The following NRP1 variants were observed in gnomAD, a reference collection of about 807,000 sequenced individuals.
NRP1 encodes neuropilin 1.
In NRP1, 35 loss-of-function variants were observed where a neutral mutation model predicts 106.7. The observed-to-expected ratio is 0.33, with a 90% CI of 0.25 to 0.43. The LOEUF (loss-of-function observed/expected upper bound fraction) is 0.43. Ranked by LOEUF, NRP1 falls within the 20% of genes least tolerant of loss-of-function variation. NRP1 has a pLI of 1.00. For missense variants in NRP1, 1,024 were observed against 1,170.4 expected (o/e 0.87, Z 1.83); for synonymous variants, 437 against 417.9 (o/e 1.05, Z -0.56).
chr10:33,202,217 C>T lies in NRP1; in HGVS notation c.1864+674G>A, dbSNP rs576375826. The T allele has an allele frequency of 1.9e-5, 3 of 156,312 alleles. No individual in the cohort carries two copies. The East Asian group carries it at 5.6e-4, about 29-fold the overall frequency. The allele number at this position is 156,312 out of a possible 1,614,324, so 9.7% of individuals were successfully genotyped here. A position where few individuals can be genotyped will look rare whatever the true frequency, so the allele number is the denominator to read the frequency against. Reference sequence around the variant, plus strand: ...TGGTATAATCCCATTTCTCCACTTGCCTAATATTTCCTCTGCCATTCCAAG... The same window carrying T: ...TGGTATAATCCCATTTCTCCACTTGTCTAATATTTCCTCTGCCATTCCAAG... On this transcript the variant is annotated intron_variant, in intron 11 of 16. Transcript: ENST00000374867.
chr10:33,220,351 A>G (rs1316334986), intron 8 of NRP1, among the ~76,000 whole-genome samples: 3 of 152,210 alleles, frequency 2.0e-5, no homozygotes, highest in African/African-American at 7.2e-5. Context: ...AAATACCCCA[A>G]ATACATATAT....
At position 33,213,379 on chromosome 10, in the gene NRP1, C is replaced by A; in HGVS notation, c.1614+7G>T. 1 of 1,614,070 alleles carries A rather than the reference C, an allele frequency of 6.2e-7. No individual in the cohort carries two copies. Among genetic ancestry groups the A allele is most frequent in the Non-Finnish European group, 8.5e-7 (1 of 1,180,030 alleles). On this transcript the variant is annotated splice_region_variant and intron_variant, in intron 9 of 16. Transcript: ENST00000374867. ...GGGATGACCTCCTCCCAGTCCCCAG[C>A]CCTCACCTTCGCCTTGCGTTTGCTG...
At chr10:33,251,813 C>G (rs1337071772) in intron 6 of NRP1, among the ~76,000 whole-genome samples, 1 of 152,048 alleles carries the variant, frequency 6.6e-6, no homozygotes, top group Non-Finnish European at 1.5e-5. Context: ...TGAGAGCTCC[C>G]CACATTACCA....
chr10:33,274,131 A>G (rs1434440106), intron 2 of NRP1, among the ~76,000 whole-genome samples: 1 of 152,198 alleles, frequency 6.6e-6, no homozygotes, highest in Non-Finnish European at 1.5e-5. Context: ...ACTCAAAGAT[A>G]AATCTCTGCC....
intron 2 of NRP1, among the ~76,000 whole-genome samples, chr10:33,291,189 G>C (rs1844970390): frequency 6.6e-6 from 1 of 152,146 alleles, no homozygotes; most frequent in Non-Finnish European, 1.5e-5. Context: ...AGTTCAAATT[G>C]TCAGCTATTA....
At chr10:33,191,715 A>G (rs753766465) in intron 13 of NRP1, among the ~76,000 whole-genome samples, 2 of 152,180 alleles carry the variant, frequency 1.3e-5, no homozygotes, top group Admixed American at 6.5e-5. Flanking sequence ...GCGGTGCCTC[A>G]CACCTATAAT....
At chr10:33,297,541 C>T (rs1399169128) in intron 2 of NRP1, among the ~76,000 whole-genome samples, 1 of 152,074 alleles carries the variant, frequency 6.6e-6, no homozygotes, top group Non-Finnish European at 1.5e-5. Context: ...CAAAAATTAG[C>T]TGGGTTTGGT....
At chr10:33,201,297 T>C (rs1221310083) in intron 11 of NRP1, 1 of 152,188 alleles carries the variant, frequency 6.6e-6, no homozygotes, top group Non-Finnish European at 1.5e-5. Context: ...GTTGTTCTGA[T>C]ATGAGGAGTA....
At chr10:33,248,358 C>T (rs1335689815) in intron 6 of NRP1, among the ~76,000 whole-genome samples, 1 of 152,184 alleles carries the variant, frequency 6.6e-6, no homozygotes, top group Admixed American at 6.5e-5. Flanking sequence ...GAGTATGTGT[C>T]ACAATTAATT....
At chr10:33,332,940 A>G (rs1277846724) in intron 1 of NRP1, among the ~76,000 whole-genome samples, 1 of 152,112 alleles carries the variant, frequency 6.6e-6, no homozygotes, top group Non-Finnish European at 1.5e-5. Context: ...AAAGTCTGAT[A>G]GCTCTTTGCA....
intron 6 of NRP1, among the ~76,000 whole-genome samples, chr10:33,231,848 T>A (rs1490544414): frequency 1.3e-5 from 2 of 152,126 alleles, no homozygotes; most frequent in Non-Finnish European, 2.9e-5. Context: ...AGGAAAAGAC[T>A]GTTCCAGGGA....
rs1847138645 is a variant in NRP1 at position 33,317,703 on chromosome 10, T to A, written c.248+13005A>T. ...CTCAAGCACACATGAAAGAATAATT[T>A]TTTTAAGTCATTGATGCTATTATCA... On this transcript the variant is annotated intron_variant, in intron 2 of 16. Transcript: ENST00000374867. Among the ~76,000 whole-genome samples, 4 of 152,330 alleles carry A rather than the reference T, an allele frequency of 2.6e-5. No individual in the cohort carries two copies. The South Asian group carries it at 8.3e-4, about 32-fold the overall frequency.
chr10:33,330,639 T>TC (rs578085600), intron 2 of NRP1, 69 bp downstream of exon 2: 44 of 1,379,600 alleles, frequency 3.2e-5, no homozygotes, highest in South Asian at 2.5e-4. Context: ...CACACCGACT[T>TC]CCCCCCCGTA....
chr10:33,218,366 T>A lies in NRP1; in HGVS notation c.1282+3353A>T, dbSNP rs202082231. Among the ~76,000 whole-genome samples, 10 of 150,032 alleles carry A rather than the reference T, an allele frequency of 6.7e-5. No homozygotes were observed. In the East Asian group the frequency reaches 1.6e-3, roughly 24 times the overall value. On this transcript the variant is annotated intron_variant, in intron 8 of 16. Coordinates refer to ENST00000374867, the MANE Select transcript of NRP1 (RefSeq NM_003873.7). ...TCTTTTTTTTTTTTTTGAGATGGAA[T>A]CTTGCTCTGTTGCCCAGGCTGGAGT...
intron 6 of NRP1, among the ~76,000 whole-genome samples, chr10:33,244,814 A>T (rs1395010630): frequency 3.3e-5 from 5 of 152,236 alleles, no homozygotes; most frequent in African/African-American, 1.2e-4. Context: ...TCAGTGACAT[A>T]CAACGTTCAT....
At chr10:33,258,822 T>A (rs1842378434) in intron 4 of NRP1, among the ~76,000 whole-genome samples, 1 of 152,174 alleles carries the variant, frequency 6.6e-6, no homozygotes, top group Non-Finnish European at 1.5e-5. Context: ...GCTAGAACCA[T>A]ACACTTAAGT....
At chr10:33,293,413 T>C (rs1261640864) in intron 2 of NRP1, among the ~76,000 whole-genome samples, 1 of 152,200 alleles carries the variant, frequency 6.6e-6, no homozygotes, top group Non-Finnish European at 1.5e-5. Context: ...TCTCTTTTCA[T>C]GAATTCAGTC....
intron 15 of NRP1, among the ~76,000 whole-genome samples, chr10:33,184,111 AAGCAATTCTCCTGCCTCAGCCTTCCGAGT>A (rs1588679715): frequency 6.6e-6 from 1 of 152,094 alleles, no homozygotes; most frequent in East Asian, 1.9e-4. Flanking sequence ...TCCTGGGTTC[AAGCAATTCTCCTGCCTCAGCCTTCCGAGT>A]AGCTGGGATT....
At position 33,250,191 on chromosome 10, in the gene NRP1, T is replaced by C. The variant is rs375509174; in HGVS notation, c.981+3837A>G. On this transcript the variant is annotated intron_variant, in intron 6 of 16. Coordinates refer to ENST00000374867, the MANE Select transcript of NRP1 (RefSeq NM_003873.7). ...AGAGGTACGTGCCTCTTGCCCTCAGTATAAATTATGCTGTACTTGTTGGTT... is the reference window on the plus strand; with the variant it reads ...AGAGGTACGTGCCTCTTGCCCTCAGCATAAATTATGCTGTACTTGTTGGTT... Among the ~76,000 whole-genome samples the C allele has an allele frequency of 9.2e-5, 14 of 152,362 alleles. No individual in the cohort carries two copies. In the East Asian group the frequency reaches 1.2e-3, roughly 13 times the overall value.
Sources: gnomAD v4.1 joint callset for allele counts (sites outside exome capture counted in the v4.1 genomes callset) on GRCh38, gnomAD v4.1.1 for gene constraint, MANE v1.5 for transcripts, NCBI Gene and HGNC (gene_info 2026-07-23, HGNC 2026-07-21) for gene names.